Variants in DOK6 observed in about 807,000 individuals in gnomAD.
DOK6 encodes docking protein 6.
DOK6 carries 22 observed loss-of-function variants against 44.0 expected under a neutral mutation model. That is an observed-to-expected ratio of 0.50 (90% CI 0.36 to 0.71). The LOEUF (loss-of-function observed/expected upper bound fraction) is 0.71, where lower values mean the gene tolerates loss of function less well. Among genes scored for constraint, DOK6 ranks in the 30% least tolerant of loss-of-function variants. The pLI, the probability that DOK6 is intolerant of heterozygous loss-of-function variation, is 0.00. For missense variants in DOK6, 340 were observed against 416.4 expected, an observed-to-expected ratio of 0.82 and a Z score of 1.60; for synonymous variants, 166 against 145.5, an observed-to-expected ratio of 1.14 and a Z score of -1.01.
chr18:69,751,309 T>G (rs1979170816), intron 6 of DOK6, among the ~76,000 whole-genome samples: 1 of 140,650 alleles, frequency 7.1e-6, no homozygotes, highest in African/African-American at 2.5e-5. Context: ...TTAGATTGAT[T>G]TATTTCACTT....
At chr18:69,778,045 T>C (rs1196766669) in intron 7 of DOK6, 2 of 152,122 alleles carry the variant, frequency 1.3e-5, no homozygotes, top group Non-Finnish European at 2.9e-5. Flanking sequence ...ACAATTTTTA[T>C]AAGCACTTAG....
At chr18:69,571,927 TA>T (rs1983123890) in intron 2 of DOK6, among the ~76,000 whole-genome samples, 1 of 151,982 alleles carries the variant, frequency 6.6e-6, no homozygotes, top group African/African-American at 2.4e-5. Flanking sequence ...AACTATAGAA[TA>T]AAGGTTACTT....
chr18:69,737,737 G>A (rs75088112), intron 5 of DOK6, among the ~76,000 whole-genome samples: 4,703 of 152,252 alleles, frequency 0.031, 132 homozygotes, highest in East Asian at 0.087. Context: ...CTGTAAGCAT[G>A]CAAGCTCTTG....
intron 4 of DOK6, among the ~76,000 whole-genome samples, chr18:69,688,238 A>G (rs1209164205): frequency 6.6e-6 from 1 of 152,214 alleles, no homozygotes; most frequent in Non-Finnish European, 1.5e-5. Context: ...TGGAACACTC[A>G]ATATCATTAA....
At chr18:69,532,534 C>A (rs1264807630) in intron 1 of DOK6, among the ~76,000 whole-genome samples, 2 of 152,032 alleles carry the variant, frequency 1.3e-5, no homozygotes, top group Non-Finnish European at 2.9e-5. Flanking sequence ...TAATATTTTT[C>A]TTTCAGTTAA....
chr18:69,485,525 T>A lies in DOK6; in HGVS notation c.67-78962T>A, dbSNP rs118084462. On this transcript the variant is annotated intron_variant, in intron 1 of 7. Transcript: ENST00000382713. ...ATATCCTGCAGTTGAATCCCCTAAT[T>A]GTTCACTGATCCCAAGTCTGTGCTT... Among the ~76,000 whole-genome samples, 432 of 152,228 alleles carry A rather than the reference T, an allele frequency of 2.8e-3. 3 individuals carry two copies. The highest frequency in any genetic ancestry group is 9.5e-3 in the South Asian group (46 of 4,822).
intron 7 of DOK6, among the ~76,000 whole-genome samples, chr18:69,794,016 C>A (rs1980673242): frequency 6.6e-6 from 1 of 152,118 alleles, no homozygotes; most frequent in African/African-American, 2.4e-5. Flanking sequence ...ACATCCCTGA[C>A]AGAATTATGA....
intron 2 of DOK6, among the ~76,000 whole-genome samples, chr18:69,592,084 A>AGAG (rs1983634919): frequency 6.6e-6 from 1 of 152,036 alleles, no homozygotes; most frequent in South Asian, 2.1e-4. Context: ...GTTGGTATTA[A>AGAG]TTCATTTATT....
rs1398704858 is a variant in DOK6 at position 69,489,271 on chromosome 18, T to C, written c.67-75216T>C. On this transcript the variant is annotated intron_variant, in intron 1 of 7. Coordinates refer to ENST00000382713, the MANE Select transcript of DOK6 (RefSeq NM_152721.6). ...AAAACTTTTCAGACTCTGAAGAAAT[T>C]GTCAGTACAAATACTAAAGGTTCAT... Among the ~76,000 whole-genome samples, 3 of 152,286 alleles carry C rather than the reference T, an allele frequency of 2.0e-5. No homozygotes were observed. In the East Asian group the frequency reaches 5.8e-4, roughly 29 times the overall value.
chr18:69,504,016 A>G (rs1896528895), intron 1 of DOK6, among the ~76,000 whole-genome samples: 1 of 152,102 alleles, frequency 6.6e-6, no homozygotes, highest in South Asian at 2.1e-4. Context: ...GAGCATCCTC[A>G]GCTATATCTT....
At chr18:69,716,554 C>A (rs749546860) in intron 5 of DOK6, among the ~76,000 whole-genome samples, 1 of 152,030 alleles carries the variant, frequency 6.6e-6, no homozygotes, top group African/African-American at 2.4e-5. Context: ...ATACCGTGTA[C>A]ACACTGCTTT....
At chr18:69,406,069 T>G (rs1428494246) in intron 1 of DOK6, among the ~76,000 whole-genome samples, 2 of 152,236 alleles carry the variant, frequency 1.3e-5, no homozygotes, top group African/African-American at 4.8e-5. Flanking sequence ...GAACTCTATT[T>G]GATTCTAGAT....
chr18:69,809,113 G>T (rs956915599), intron 7 of DOK6, among the ~76,000 whole-genome samples: 2 of 151,720 alleles, frequency 1.3e-5, no homozygotes, highest in African/African-American at 4.8e-5. Flanking sequence ...TTTATCCCAG[G>T]GATTCAAGGG....
At chr18:69,650,133 G>A (rs1985185001) in intron 3 of DOK6, among the ~76,000 whole-genome samples, 1 of 152,086 alleles carries the variant, frequency 6.6e-6, no homozygotes, top group African/African-American at 2.4e-5. Flanking sequence ...AGGCCAGTAT[G>A]ATAGGTGGCA....
At chr18:69,580,234 T>C (rs1225199014) in intron 2 of DOK6, among the ~76,000 whole-genome samples, 1 of 152,132 alleles carries the variant, frequency 6.6e-6, no homozygotes, top group Non-Finnish European at 1.5e-5. Flanking sequence ...AAAAATCTGC[T>C]TCAAAGCTCC....
intron 7 of DOK6, among the ~76,000 whole-genome samples, chr18:69,835,338 G>A (rs553272115): frequency 2.6e-5 from 4 of 152,176 alleles, no homozygotes; most frequent in South Asian, 4.2e-4. Context: ...GGTGGTGGGC[G>A]CCTGTAGTCC....
intron 5 of DOK6, among the ~76,000 whole-genome samples, chr18:69,701,343 T>A (rs190207051): frequency 4.3e-4 from 65 of 152,236 alleles, no homozygotes; most frequent in African/African-American, 1.5e-3. Flanking sequence ...ACCATAAGGA[T>A]CATAACTTTG....
intron 4 of DOK6, 50 bp from the exon 5 acceptor site, chr18:69,698,354 C>T: frequency 6.6e-7 from 1 of 1,519,428 alleles, no homozygotes; most frequent in Non-Finnish European, 8.9e-7. Context: ...TGGCCATAGA[C>T]ACTCACACCT....
chr18:69,666,943 C>T (rs1201494966), intron 3 of DOK6, among the ~76,000 whole-genome samples: 2 of 152,156 alleles, frequency 1.3e-5, no homozygotes, highest in South Asian at 2.1e-4. Flanking sequence ...TATCTGCAGG[C>T]TCCACCTCTG....
Sources: allele counts gnomAD v4.1 joint callset (sites outside exome capture counted in the v4.1 genomes callset), GRCh38; gene constraint gnomAD v4.1.1; transcripts MANE v1.5; gene names NCBI Gene and HGNC (gene_info 2026-07-23, HGNC 2026-07-21).